The following PCDH15 variants were observed in gnomAD, a reference collection of about 807,000 sequenced individuals.
PCDH15 encodes protocadherin-15.
PCDH15 carries 129 observed loss-of-function variants against 178.5 expected under a neutral mutation model. That is an observed-to-expected ratio of 0.72 (90% CI 0.63 to 0.84). PCDH15 has a LOEUF of 0.84. Ranked by LOEUF, PCDH15 falls within the 40% of genes least tolerant of loss-of-function variation. The pLI, the probability that PCDH15 is intolerant of heterozygous loss-of-function variation, is 0.00. For missense variants in PCDH15, 2,230 were observed against 2,099.9 expected (o/e 1.06, Z -1.21); for synonymous variants, 800 against 732.0 (o/e 1.09, Z -1.50).
At chr10:54,776,434 A>G (rs984073237) in intron 1 of PCDH15, among the ~76,000 whole-genome samples, 1 of 147,682 alleles carries the variant, frequency 6.8e-6, no homozygotes, top group Admixed American at 6.6e-5. Context: ...CTAACCATAC[A>G]ATTAAAAAAA....
At chr10:54,605,593 C>T (rs1590437905) in intron 2 of PCDH15, 1 of 152,130 alleles carries the variant, frequency 6.6e-6, no homozygotes, top group East Asian at 1.9e-4. Context: ...TATGCCAGCT[C>T]TCATCATTGC....
intron 18 of PCDH15, among the ~76,000 whole-genome samples, chr10:54,040,232 C>T (rs1216270731): frequency 1.3e-5 from 2 of 151,902 alleles, no homozygotes; most frequent in South Asian, 4.1e-4. Flanking sequence ...AATTGTAGCT[C>T]CCCTAATTCC....
At chr10:54,761,962 T>C (rs61854108) in intron 1 of PCDH15, among the ~76,000 whole-genome samples, 32,052 of 151,968 alleles carry the variant, frequency 0.21, 3,916 homozygotes, top group East Asian at 0.48. Context: ...ACAACATATA[T>C]ATATGTATAT....
intron 2 of PCDH15, among the ~76,000 whole-genome samples, chr10:54,660,550 C>A (rs578145323): frequency 1.3e-5 from 2 of 151,966 alleles, no homozygotes; most frequent in South Asian, 4.1e-4. Flanking sequence ...GAGCTAGTAC[C>A]CATCTTGTAT....
intron 2 of PCDH15, among the ~76,000 whole-genome samples, chr10:55,071,204 A>C (rs1591878057): frequency 6.6e-6 from 1 of 152,278 alleles, no homozygotes; most frequent in Non-Finnish European, 1.5e-5. Context: ...TGAGCAAAAT[A>C]ACCAGCTAAC....
intron 18 of PCDH15, among the ~76,000 whole-genome samples, chr10:54,043,529 A>G (rs1489922234): frequency 6.6e-6 from 1 of 151,966 alleles, no homozygotes; most frequent in Non-Finnish European, 1.5e-5. Flanking sequence ...CTGGGACTAC[A>G]GGTATGCACC....
At chr10:55,363,696 C>T (rs1263383871) in intron 2 of PCDH15, among the ~76,000 whole-genome samples, 4 of 151,918 alleles carry the variant, frequency 2.6e-5, no homozygotes, top group Non-Finnish European at 5.9e-5. Context: ...AGTGCAATGG[C>T]GCGATATCGG....
chr10:53,904,585 C>A (rs2082545415), intron 25 of PCDH15, among the ~76,000 whole-genome samples: 1 of 151,708 alleles, frequency 6.6e-6, no homozygotes, highest in Non-Finnish European at 1.5e-5. Context: ...CATCTGTGAC[C>A]TGGAAGAGGT....
intron 2 of PCDH15, among the ~76,000 whole-genome samples, chr10:55,395,468 T>C (rs952424593): frequency 2.6e-5 from 4 of 152,070 alleles, no homozygotes; most frequent in African/African-American, 7.2e-5. Flanking sequence ...CTGAAATACA[T>C]TGAAAATAAA....
chr10:54,676,791 T>C (rs531332597), intron 1 of PCDH15, among the ~76,000 whole-genome samples: 1 of 152,216 alleles, frequency 6.6e-6, no homozygotes, highest in East Asian at 1.9e-4. Context: ...CATTAATAAG[T>C]ACAAAATCTC....
At chr10:54,001,507 A>G (rs2092133909) in intron 20 of PCDH15, among the ~76,000 whole-genome samples, 1 of 152,130 alleles carries the variant, frequency 6.6e-6, no homozygotes, top group Non-Finnish European at 1.5e-5. Flanking sequence ...ATCAGCTTAA[A>G]TAAAGGGTTG....
intron 27 of PCDH15, among the ~76,000 whole-genome samples, chr10:53,861,171 A>C (rs534632292): frequency 6.3e-4 from 96 of 152,278 alleles, no homozygotes; most frequent in Middle Eastern, 3.4e-3. Context: ...AGATTAGTAG[A>C]TTTTATTTAT....
At chr10:54,031,504 T>G (rs76521921) in intron 18 of PCDH15, among the ~76,000 whole-genome samples, 4,157 of 151,462 alleles carry the variant, frequency 0.027, 193 homozygotes, top group African/African-American at 0.097. Context: ...GAGTGTACAA[T>G]GTATGAGAAG....
chr10:53,963,394 C>T (rs2088581513), intron 21 of PCDH15, among the ~76,000 whole-genome samples: 1 of 152,088 alleles, frequency 6.6e-6, no homozygotes. Flanking sequence ...TCAGACTCTG[C>T]TTGTTCCCAC....
At chr10:55,578,128 G>T (rs1253071452) in intron 2 of PCDH15, among the ~76,000 whole-genome samples, 1 of 151,974 alleles carries the variant, frequency 6.6e-6, no homozygotes, top group Non-Finnish European at 1.5e-5. Context: ...GTTTTAAATT[G>T]CCTCTTTGTC....
At chr10:54,321,092 CAA>C (rs2061573619) in intron 7 of PCDH15, among the ~76,000 whole-genome samples, 3 of 150,030 alleles carry the variant, frequency 2.0e-5, no homozygotes, top group Non-Finnish European at 4.4e-5. Flanking sequence ...TTCTCAATAA[CAA>C]ATAAGTTAAT....
intron 2 of PCDH15, among the ~76,000 whole-genome samples, chr10:55,517,789 A>G (rs535105005): frequency 1.3e-5 from 2 of 152,266 alleles, no homozygotes; most frequent in African/African-American, 4.8e-5. Flanking sequence ...CATCCCTACC[A>G]TGGAGTACTA....
intron 2 of PCDH15, among the ~76,000 whole-genome samples, chr10:55,550,270 TGGTGA>T (rs904984763): frequency 2.6e-4 from 40 of 152,286 alleles, no homozygotes; most frequent in Middle Eastern, 6.9e-3. Flanking sequence ...AAATGATGGG[TGGTGA>T]AACTTACTCT....
At chr10:54,457,053 A>G (rs989132949) in intron 3 of PCDH15, among the ~76,000 whole-genome samples, 1 of 152,136 alleles carries the variant, frequency 6.6e-6, no homozygotes, top group Non-Finnish European at 1.5e-5. Flanking sequence ...GAACTAATAC[A>G]ATCTTTTTCA....
Sources: allele counts gnomAD v4.1 joint callset (sites outside exome capture counted in the v4.1 genomes callset), GRCh38; gene constraint gnomAD v4.1.1; transcripts MANE v1.5; gene names NCBI Gene and HGNC (gene_info 2026-07-23, HGNC 2026-07-21).